Variants in UBE2D3 observed in about 807,000 individuals in gnomAD.
UBE2D3 encodes ubiquitin conjugating enzyme E2 D3, also known as ubiquitin-conjugating enzyme E2 D3.
Under a neutral mutation model 22.8 loss-of-function variants are expected in UBE2D3, and 2 were observed. That is an observed-to-expected ratio of 0.09 (90% CI 0.04 to 0.28). The LOEUF (loss-of-function observed/expected upper bound fraction) is 0.28. Among genes scored for constraint, UBE2D3 ranks in the 10% least tolerant of loss-of-function variants. UBE2D3 has a pLI of 1.00. For synonymous variants in UBE2D3, 56 were observed against 60.4 expected (o/e 0.93, Z 0.34); for missense variants, 27 against 182.5 (o/e 0.15, Z 4.91).
At chr4:102,862,426 T>G (rs1732942064) in intron 1 of UBE2D3, among the ~76,000 whole-genome samples, 1 of 151,998 alleles carries the variant, frequency 6.6e-6, no homozygotes, top group Non-Finnish European at 1.5e-5. Flanking sequence ...TTTAATTTGT[T>G]AAAGCATATT....
intron 2 of UBE2D3, among the ~76,000 whole-genome samples, chr4:102,824,992 A>G (rs1730227922): frequency 6.6e-6 from 1 of 152,226 alleles, no homozygotes; most frequent in East Asian, 1.9e-4. Flanking sequence ...TATTTCGCAT[A>G]ACCCAAAATG....
At chr4:102,807,555 G>A (rs1727261221) in intron 4 of UBE2D3, among the ~76,000 whole-genome samples, 1 of 152,068 alleles carries the variant, frequency 6.6e-6, no homozygotes, top group African/African-American at 2.4e-5. Context: ...TGGTTAATCA[G>A]GTTAATATTT....
intron 1 of UBE2D3, chr4:102,843,806 G>A (rs1258514403): frequency 1.3e-5 from 2 of 152,120 alleles, no homozygotes; most frequent in Non-Finnish European, 2.9e-5. Context: ...TGATAAATCA[G>A]TGTGATGTTC....
upstream of UBE2D3, among the ~76,000 whole-genome samples, chr4:102,829,064 A>G (rs967092606): frequency 3.3e-5 from 5 of 152,228 alleles, no homozygotes; most frequent in African/African-American, 9.6e-5. Context: ...TAAGTAGTCT[A>G]ATGTATACTG....
In UBE2D3 at chr4:102,797,294, A is replaced by C. The variant is rs1725364752; in HGVS notation, c.*121T>G. 3.7e-6 allele frequency: 3 copies of C among 821,488 alleles called. No individual in the cohort carries two copies. Among genetic ancestry groups the C allele is most frequent in the Admixed American group, 2.6e-5 (1 of 38,570 alleles). 50.9% of individuals were successfully genotyped at this position (821,488 alleles called of 1,614,324 possible). On this transcript the variant is annotated 3_prime_UTR_variant, in exon 8 of 8. Coordinates refer to ENST00000453744, the MANE Select transcript of UBE2D3 (RefSeq NM_181891.3). ...GAATGAATGGAGGGAGGTAAACAAA[A>C]AATAAAATTAAAAAAGATGAGGTCT...
At chr4:102,806,637 A>G (rs1355990038) in intron 4 of UBE2D3, among the ~76,000 whole-genome samples, 1 of 152,072 alleles carries the variant, frequency 6.6e-6, no homozygotes, top group Non-Finnish European at 1.5e-5. Context: ...ATACTTTCAC[A>G]TTTTTCACAG....
At chr4:102,799,839 G>T (rs116184226) in intron 6 of UBE2D3, among the ~76,000 whole-genome samples, 1 of 144,808 alleles carries the variant, frequency 6.9e-6, no homozygotes, top group Non-Finnish European at 1.5e-5. Flanking sequence ...GGCTGGGGGG[G>T]GGGGGACTTT....
chr4:102,802,712 G>T, intron 4 of UBE2D3, 74 bp from the exon 5 acceptor site: 1 of 1,229,196 alleles, frequency 8.1e-7, no homozygotes, highest in Non-Finnish European at 1.1e-6. Flanking sequence ...TTGTTTCCAA[G>T]CATTTCTCTA....
intron 2 of UBE2D3, chr4:102,811,869 A>T (rs1230748788): frequency 1.3e-5 from 5 of 391,048 alleles, no homozygotes; most frequent in Non-Finnish European, 2.4e-5. Context: ...AGAAAAAAAA[A>T]TTACGATAAA....
intron 2 of UBE2D3, among the ~76,000 whole-genome samples, chr4:102,824,811 C>A (rs1022525739): frequency 6.6e-6 from 1 of 152,210 alleles, no homozygotes; most frequent in African/African-American, 2.4e-5. Context: ...GAATGTTATG[C>A]TCTTTGTGTA....
rs1401367726 is a variant in UBE2D3 at position 102,794,615 on chromosome 4, T to C, written c.*2800A>G. 6.6e-6 allele frequency: 1 copy of C among 151,142 alleles called. No homozygotes were observed. 9.4% of individuals were successfully genotyped at this position (151,142 alleles called of 1,614,324 possible). A position where few individuals can be genotyped will look rare whatever the true frequency, so the allele number is the denominator to read the frequency against. ...CCCCGCCCAAATTACTAACACAGCATGATCAGTACCTTAAGTATACTTCAA... is the reference window on the plus strand; with the variant it reads ...CCCCGCCCAAATTACTAACACAGCACGATCAGTACCTTAAGTATACTTCAA... On this transcript the variant is annotated 3_prime_UTR_variant, in exon 8 of 8. Coordinates refer to ENST00000453744, the MANE Select transcript of UBE2D3 (RefSeq NM_181891.3).
At chr4:102,799,545 GATAA>G (rs778032372) in intron 6 of UBE2D3, 45 bp from the exon 7 acceptor site, 20 of 1,500,378 alleles carry the variant, frequency 1.3e-5, no homozygotes, top group South Asian at 3.6e-5. Flanking sequence ...CAGGAGTTTG[GATAA>G]ATAAATTTTT....
intron 6 of UBE2D3, among the ~76,000 whole-genome samples, chr4:102,801,144 G>A (rs1726093905): frequency 2.0e-5 from 3 of 152,088 alleles, no homozygotes; most frequent in East Asian, 3.9e-4. Flanking sequence ...CCGCAAGTTA[G>A]TGTGAGATGT....
At position 102,797,190 on chromosome 4, in the gene UBE2D3, T is replaced by C; in HGVS notation, c.*225A>G. ...AATTCTGAGTCTTGGGCAACTGTTC[T>C]CTTGTAACTACTTTACAGTTTCTAA... is the stretch of plus-strand genomic sequence containing the variant. On this transcript the variant is annotated 3_prime_UTR_variant, in exon 8 of 8. Coordinates refer to ENST00000453744, the MANE Select transcript of UBE2D3 (RefSeq NM_181891.3). 1 of 402,784 alleles carries C rather than the reference T, an allele frequency of 2.5e-6. No individual in the cohort carries two copies. The highest frequency in any genetic ancestry group is 4.1e-5 in the Admixed American group (1 of 24,516). The allele number at this position is 402,784 out of a possible 1,614,324, so 25.0% of individuals were successfully genotyped here. A position where few individuals can be genotyped will look rare whatever the true frequency, so the allele number is the denominator to read the frequency against.
intron 2 of UBE2D3, among the ~76,000 whole-genome samples, chr4:102,818,587 T>C (rs777530416): frequency 4.6e-5 from 7 of 152,142 alleles, no homozygotes; most frequent in African/African-American, 9.7e-5. Flanking sequence ...ACTGAGTTGT[T>C]TGCCTATTTC....
chr4:102,799,515 A>G lies in UBE2D3; in HGVS notation c.305-15T>C. 1 of 1,593,458 alleles carries G rather than the reference A, an allele frequency of 6.3e-7. No individual in the cohort carries two copies. Among genetic ancestry groups the G allele is most frequent in the African/African-American group, 1.3e-5 (1 of 74,224 alleles). ...GGATAAAAGAACTGCAAGAAAACAAAAACATCTGTTACCCAGTTTCAGGAG... is the reference window on the plus strand; with the variant it reads ...GGATAAAAGAACTGCAAGAAAACAAGAACATCTGTTACCCAGTTTCAGGAG... On this transcript the variant is annotated splice_polypyrimidine_tract_variant and intron_variant, in intron 6 of 7. Transcript: ENST00000453744.
At chr4:102,817,396 C>T (rs1227880987) in intron 2 of UBE2D3, among the ~76,000 whole-genome samples, 1 of 152,142 alleles carries the variant, frequency 6.6e-6, no homozygotes, top group Non-Finnish European at 1.5e-5. Context: ...AACCACTTTA[C>T]GGAAATAGAG....
rs1488086451 is a variant in UBE2D3 at position 102,859,919 on chromosome 4, C to T, written c.-129+8796G>A. On this transcript the variant is annotated intron_variant, in intron 1 of 7. Coordinates refer to the UBE2D3 transcript ENST00000338145. ...GGAGTGCAGTGGCGTGATCTCAGCTCACTGCAAGCTCTGCCTCCCGGGTTC... is the reference window on the plus strand; with the variant it reads ...GGAGTGCAGTGGCGTGATCTCAGCTTACTGCAAGCTCTGCCTCCCGGGTTC... 2.0e-5 allele frequency among the ~76,000 whole-genome samples: 3 copies of T among 148,072 alleles called. No homozygotes were observed. The East Asian group carries it at 5.8e-4, about 29-fold the overall frequency.
chr4:102,820,548 A>T (rs1023900396), intron 2 of UBE2D3, among the ~76,000 whole-genome samples: 2 of 152,242 alleles, frequency 1.3e-5, no homozygotes, highest in African/African-American at 4.8e-5. Context: ...TACACAAGGT[A>T]CTAAGAATGG....
Sources: gnomAD v4.1 joint callset for allele counts (sites outside exome capture counted in the v4.1 genomes callset) on GRCh38, gnomAD v4.1.1 for gene constraint, MANE v1.5 for transcripts, NCBI Gene and HGNC (gene_info 2026-07-23, HGNC 2026-07-21) for gene names.